PTPRR: variants seen among roughly 807,000 people sequenced by gnomAD.
The protein encoded by PTPRR is receptor-type tyrosine-protein phosphatase R.
A neutral mutation model predicts 77.2 loss-of-function variants in PTPRR; 38 were observed. The observed-to-expected ratio is 0.49, with a 90% CI of 0.38 to 0.65. The LOEUF is 0.65. Ranked by LOEUF, PTPRR falls within the 30% of genes least tolerant of loss-of-function variation. The pLI is 0.00. For missense variants in PTPRR, 744 were observed against 799.2 expected, an observed-to-expected ratio of 0.93 and a Z score of 0.83; for synonymous variants, 299 against 283.1, an observed-to-expected ratio of 1.06 and a Z score of -0.57.
chr12:70,871,551 A>T (rs1192970640), intron 2 of PTPRR, among the ~76,000 whole-genome samples: 1 of 152,212 alleles, frequency 6.6e-6, no homozygotes, highest in African/African-American at 2.4e-5. Flanking sequence ...AGCAATATAC[A>T]TTCTAATTTC....
intron 5 of PTPRR, among the ~76,000 whole-genome samples, chr12:70,747,855 A>C (rs1309842355): frequency 6.6e-6 from 1 of 152,184 alleles, no homozygotes; most frequent in Non-Finnish European, 1.5e-5. Flanking sequence ...AAATATGGAA[A>C]AAATGGAAGA....
intron 2 of PTPRR, among the ~76,000 whole-genome samples, chr12:70,790,370 C>T (rs953065144): frequency 2.6e-5 from 4 of 152,126 alleles, no homozygotes; most frequent in African/African-American, 7.2e-5. Flanking sequence ...TGATTCCTTC[C>T]TCTGCCCTGA....
intron 8 of PTPRR, among the ~76,000 whole-genome samples, chr12:70,696,098 G>A (rs1055044827): frequency 3.3e-5 from 5 of 151,892 alleles, no homozygotes; most frequent in African/African-American, 1.2e-4. Context: ...CCTGAGCTTT[G>A]TCGTGAGATG....
At chr12:70,645,894 C>T (rs2136644361) in intron 13 of PTPRR, among the ~76,000 whole-genome samples, 1 of 152,064 alleles carries the variant, frequency 6.6e-6, no homozygotes, top group South Asian at 2.1e-4. Flanking sequence ...TCCAGATGCC[C>T]AGGAGAGAGA....
chr12:70,695,985 T>C (rs1179546914), intron 8 of PTPRR, among the ~76,000 whole-genome samples: 2 of 152,198 alleles, frequency 1.3e-5, no homozygotes, highest in Admixed American at 6.6e-5. Flanking sequence ...ACCATTACTA[T>C]GAATATAAAG....
chr12:70,749,214 T>C (rs1455243815), intron 5 of PTPRR, among the ~76,000 whole-genome samples: 2 of 152,144 alleles, frequency 1.3e-5, no homozygotes, highest in African/African-American at 2.4e-5. Flanking sequence ...TGAAAACAAA[T>C]GGAATTATGG....
intron 6 of PTPRR, among the ~76,000 whole-genome samples, chr12:70,728,171 TG>T (rs1889510844): frequency 6.7e-6 from 1 of 149,154 alleles, no homozygotes; most frequent in South Asian, 2.1e-4. Flanking sequence ...TTATCCGAAA[TG>T]CTTGGGACCA....
At chr12:70,789,153 G>A (rs1891381420) in intron 2 of PTPRR, among the ~76,000 whole-genome samples, 1 of 152,052 alleles carries the variant, frequency 6.6e-6, no homozygotes, top group Non-Finnish European at 1.5e-5. Flanking sequence ...TGTGGACAAG[G>A]TGTGTTGCAT....
At chr12:70,656,488 C>T (rs144165702) in intron 13 of PTPRR, among the ~76,000 whole-genome samples, 5 of 152,252 alleles carry the variant, frequency 3.3e-5, no homozygotes, top group African/African-American at 4.8e-5. Context: ...GAGATTGCAC[C>T]ACTGCACTCC....
At chr12:70,807,649 A>G (rs1042958204) in intron 2 of PTPRR, among the ~76,000 whole-genome samples, 1 of 152,156 alleles carries the variant, frequency 6.6e-6, no homozygotes, top group African/African-American at 2.4e-5. Context: ...TTTATTAGTT[A>G]CCCAAATTAA....
intron 2 of PTPRR, among the ~76,000 whole-genome samples, chr12:70,859,566 A>T (rs1765632207): frequency 6.6e-6 from 1 of 152,054 alleles, no homozygotes; most frequent in Non-Finnish European, 1.5e-5. Flanking sequence ...TGAATAGAAT[A>T]GTCATTTCTC....
intron 2 of PTPRR, among the ~76,000 whole-genome samples, chr12:70,770,494 A>G (rs2136981539): frequency 6.6e-6 from 1 of 152,314 alleles, no homozygotes; most frequent in African/African-American, 2.4e-5. Flanking sequence ...GGCAATCATT[A>G]AAAAGTCAGG....
intron 2 of PTPRR, among the ~76,000 whole-genome samples, chr12:70,845,878 C>A (rs1254184694): frequency 1.3e-5 from 2 of 152,088 alleles, no homozygotes; most frequent in African/African-American, 2.4e-5. Context: ...CATAAGCCTG[C>A]CTTTCCTGAA....
intron 2 of PTPRR, among the ~76,000 whole-genome samples, chr12:70,874,257 T>C (rs1294248712): frequency 2.6e-5 from 4 of 152,190 alleles, no homozygotes; most frequent in African/African-American, 4.8e-5. Flanking sequence ...CTGATTTTAA[T>C]GCCCAAACTT....
At chr12:70,861,066 G>T (rs959862848) in intron 2 of PTPRR, among the ~76,000 whole-genome samples, 1 of 152,122 alleles carries the variant, frequency 6.6e-6, no homozygotes, top group African/African-American at 2.4e-5. Context: ...ATTTAATGTA[G>T]TGCTTAGAAC....
chr12:70,672,732 G>T (rs1887281026), intron 10 of PTPRR: 1 of 1,547,498 alleles, frequency 6.5e-7, no homozygotes, highest in African/African-American at 1.4e-5. Context: ...TTTACCCAGG[G>T]GATGTCATCC....
At chr12:70,911,336 T>C (rs1367012003) in intron 1 of PTPRR, among the ~76,000 whole-genome samples, 4 of 152,132 alleles carry the variant, frequency 2.6e-5, no homozygotes, top group Non-Finnish European at 4.4e-5. Context: ...GGGAAGCCTA[T>C]AGACCTATGA....
chr12:70,750,152 AT>A (rs369372628), intron 5 of PTPRR, among the ~76,000 whole-genome samples: 43 of 149,296 alleles, frequency 2.9e-4, no homozygotes, highest in East Asian at 9.8e-4. Flanking sequence ...GCCTGGCAAC[AT>A]TTTTTTTTTG....
intron 2 of PTPRR, among the ~76,000 whole-genome samples, chr12:70,812,767 T>C (rs1891832606): frequency 6.6e-6 from 1 of 152,192 alleles, no homozygotes; most frequent in South Asian, 2.1e-4. Context: ...GCCCTCCTTA[T>C]GGATAAAACT....
Sources: gnomAD v4.1 joint callset for allele counts (sites outside exome capture counted in the v4.1 genomes callset) on GRCh38, gnomAD v4.1.1 for gene constraint, MANE v1.5 for transcripts, NCBI Gene and HGNC (gene_info 2026-07-23, HGNC 2026-07-21) for gene names.